Variants in TMEM126A observed in about 807,000 individuals in gnomAD.
The protein encoded by TMEM126A is transmembrane protein 126A, also known as optic atrophy 7.
A neutral mutation model predicts 18.3 loss-of-function variants in TMEM126A; 10 were observed. The ratio of observed to expected loss-of-function variants is 0.55; its 90% CI spans 0.34 to 0.93. TMEM126A has a LOEUF of 0.93. Among genes scored for constraint, TMEM126A ranks in the 40% least tolerant of loss-of-function variants. The pLI, the probability that TMEM126A is intolerant of heterozygous loss-of-function variation, is 0.02. For missense variants in TMEM126A, 246 were observed against 230.2 expected, an observed-to-expected ratio of 1.07 and a Z score of -0.44; for synonymous variants, 68 against 78.1, an observed-to-expected ratio of 0.87 and a Z score of 0.68.
At chr11:85,651,135 G>T (rs188406482) in intron 2 of TMEM126A, among the ~76,000 whole-genome samples, 2 of 149,886 alleles carry the variant, frequency 1.3e-5, no homozygotes, top group Non-Finnish European at 3.0e-5. Context: ...ACTAATCTTT[G>T]CCAGGCAGCT....
intron 3 of TMEM126A, among the ~76,000 whole-genome samples, chr11:85,654,775 T>C (rs2082525625): frequency 6.6e-6 from 1 of 152,048 alleles, no homozygotes; most frequent in South Asian, 2.1e-4. Flanking sequence ...TTCTAACATA[T>C]CTTTCTCACA....
At chr11:85,655,422 C>T (rs922394646) in intron 3 of TMEM126A, 172 bp from the exon 4 acceptor site, 3 of 570,982 alleles carry the variant, frequency 5.3e-6, no homozygotes, top group Non-Finnish European at 9.5e-6. Flanking sequence ...TTATTCCTAG[C>T]TATTTTAAGT....
intron 1 of TMEM126A, among the ~76,000 whole-genome samples, chr11:85,648,684 T>C (rs1236345378): frequency 6.6e-6 from 1 of 152,190 alleles, no homozygotes; most frequent in African/African-American, 2.4e-5. Flanking sequence ...CTTATCATCT[T>C]ATCGTAGCCA....
chr11:85,651,381 G>A (rs1389504457), intron 2 of TMEM126A, among the ~76,000 whole-genome samples: 2 of 152,196 alleles, frequency 1.3e-5, no homozygotes, highest in Non-Finnish European at 2.9e-5. Flanking sequence ...GCAGGGGGAT[G>A]ATGTTAGCAT....
chr11:85,650,142 C>T, intron 1 of TMEM126A, 107 bp from the exon 2 acceptor site: 1 of 658,004 alleles, frequency 1.5e-6, no homozygotes, highest in Non-Finnish European at 2.6e-6. Context: ...AATATGTATG[C>T]AATGATTTTT....
At chr11:85,655,421 G>GC (rs1377514698) in intron 3 of TMEM126A, 173 bp from the exon 4 acceptor site, 1 of 568,246 alleles carries the variant, frequency 1.8e-6, no homozygotes, top group African/African-American at 1.9e-5. Context: ...ATTATTCCTA[G>GC]CTATTTTAAG....
intron 1 of TMEM126A, 68 bp from the exon 2 acceptor site, chr11:85,650,181 A>C (rs2082488252): frequency 6.3e-6 from 6 of 956,440 alleles, no homozygotes; most frequent in Non-Finnish European, 9.6e-6. Flanking sequence ...TATTATTTTT[A>C]GTCTTCAGAA....
intron 2 of TMEM126A, 75 bp downstream of exon 2, chr11:85,650,416 T>A (rs2082490449): frequency 8.9e-7 from 1 of 1,128,534 alleles, no homozygotes. Flanking sequence ...CTCAAGTTTA[T>A]CTGGTTTGAG....
intron 2 of TMEM126A, among the ~76,000 whole-genome samples, chr11:85,652,200 G>C (rs2082505873): frequency 6.6e-6 from 1 of 152,180 alleles, no homozygotes; most frequent in Non-Finnish European, 1.5e-5. Flanking sequence ...AGAGAAGAAA[G>C]CAGTCTGTCA....
At chr11:85,656,184 C>G in intron 4 of TMEM126A, 125 bp from the exon 5 acceptor site, 1 of 871,052 alleles carries the variant, frequency 1.1e-6, no homozygotes, top group African/African-American at 1.7e-5. Flanking sequence ...TTAATAGACA[C>G]TGAAGACCTT....
chr11:85,653,100 G>A (rs947525294), intron 2 of TMEM126A, among the ~76,000 whole-genome samples: 16 of 151,984 alleles, frequency 1.1e-4, no homozygotes, highest in Non-Finnish European at 2.2e-4. Flanking sequence ...GTTATATCTC[G>A]TTTACATCTC....
At position 85,650,317 on chromosome 11, in the gene TMEM126A, T is replaced by C. The variant is rs201584707; in HGVS notation, c.62T>C (p.Ile21Thr). 5.0e-6 allele frequency: 8 copies of C among 1,607,810 alleles called. No homozygotes were observed. The African/African-American group carries it at 9.3e-5, about 19-fold the overall frequency. Reference protein sequence around the residue: ...NITIVDISRKINQLPEAERNL... With the variant: ...NITIVDISRKTNQLPEAERNL... ...ACAATTGTTGATATATCCAGAAAAA[T>C]TAACCAGCTTCCAGAAGCAGAAAGG... Residue 21 changes from isoleucine (I) to threonine (T), a missense_variant, in exon 2 of 5, where the codon ATT (isoleucine) becomes ACT (threonine). Transcript: ENST00000304511.
intron 2 of TMEM126A, among the ~76,000 whole-genome samples, chr11:85,650,857 G>A (rs1473003497): frequency 6.6e-6 from 1 of 152,002 alleles, no homozygotes; most frequent in Non-Finnish European, 1.5e-5. Flanking sequence ...ATCACCTGAG[G>A]TCAGGAGTTC....
intron 1 of TMEM126A, among the ~76,000 whole-genome samples, chr11:85,649,922 C>T (rs1254430530): frequency 6.6e-6 from 1 of 152,128 alleles, no homozygotes; most frequent in Non-Finnish European, 1.5e-5. Context: ...TGCATTTTCT[C>T]CCCCACTAGC....
intron 3 of TMEM126A, 142 bp from the exon 4 acceptor site, chr11:85,655,452 A>T: frequency 1.5e-6 from 1 of 672,870 alleles, no homozygotes; most frequent in South Asian, 1.7e-5. Context: ...ATGTAATTAT[A>T]CCTTTTAACA....
chr11:85,651,300 T>C (rs2082498380), intron 2 of TMEM126A, among the ~76,000 whole-genome samples: 2 of 152,120 alleles, frequency 1.3e-5, no homozygotes, highest in Non-Finnish European at 2.9e-5. Context: ...TAGCCAAGGC[T>C]TGTGGTACTT....
At chr11:85,652,574 A>G (rs2082508889) in intron 2 of TMEM126A, among the ~76,000 whole-genome samples, 2 of 152,322 alleles carry the variant, frequency 1.3e-5, no homozygotes, top group African/African-American at 4.8e-5. Context: ...TCAAAAAGTC[A>G]TGAGTTTTTA....
At chr11:85,655,747 A>G in intron 4 of TMEM126A, 39 bp downstream of exon 4, 2 of 1,396,274 alleles carry the variant, frequency 1.4e-6, no homozygotes, top group Non-Finnish European at 2.0e-6. Context: ...GTGATTACCT[A>G]TAAAACTCAC....
At chr11:85,651,934 C>T (rs117741017) in intron 2 of TMEM126A, among the ~76,000 whole-genome samples, 5,414 of 152,250 alleles carry the variant, frequency 0.036, 151 homozygotes, top group East Asian at 0.097. Context: ...GAGGCGGAGG[C>T]GGGCTGGTCA....
Sources: allele counts gnomAD v4.1 joint callset (sites outside exome capture counted in the v4.1 genomes callset), GRCh38; gene constraint gnomAD v4.1.1; transcripts MANE v1.5; gene names NCBI Gene and HGNC (gene_info 2026-07-23, HGNC 2026-07-21).